NF2: variants seen among roughly 807,000 people sequenced by gnomAD.
The protein encoded by NF2 is merlin.
Under a neutral mutation model 83.7 loss-of-function variants are expected in NF2, and 8 were observed. That is an observed-to-expected ratio of 0.10 (90% CI 0.06 to 0.17). NF2 has a LOEUF of 0.17. Ranked by LOEUF, NF2 falls within the 10% of genes least tolerant of loss-of-function variation. The pLI, the probability that NF2 is intolerant of heterozygous loss-of-function variation, is 1.00. For missense variants in NF2, 533 were observed against 744.4 expected, an observed-to-expected ratio of 0.72 and a Z score of 3.31; for synonymous variants, 266 against 269.6, an observed-to-expected ratio of 0.99 and a Z score of 0.13.
intron 1 of NF2, among the ~76,000 whole-genome samples, chr22:29,624,813 C>T (rs1367514479): frequency 1.7e-5 from 2 of 114,946 alleles, no homozygotes; most frequent in East Asian, 5.1e-4. Flanking sequence ...TTCTTTCTTT[C>T]TTTCTTTCTT....
At chr22:29,662,894 C>T (rs143621917) in intron 8 of NF2, among the ~76,000 whole-genome samples, 1 of 152,180 alleles carries the variant, frequency 6.6e-6, no homozygotes, top group African/African-American at 2.4e-5. Flanking sequence ...AGGACACAGA[C>T]TAGAGAGTGA....
At chr22:29,672,869 C>G (rs2066844000) in intron 11 of NF2, among the ~76,000 whole-genome samples, 1 of 152,164 alleles carries the variant, frequency 6.6e-6, no homozygotes, top group South Asian at 2.1e-4. Flanking sequence ...ATCTGCCCGC[C>G]TCAGCCTCCC....
At chr22:29,634,030 C>G (rs1321504825) in intron 1 of NF2, among the ~76,000 whole-genome samples, 1 of 152,142 alleles carries the variant, frequency 6.6e-6, no homozygotes, top group African/African-American at 2.4e-5. Context: ...GAAAAGGTGT[C>G]TGGGGAGTGC....
intron 1 of NF2, 131 bp downstream of exon 1, chr22:29,604,243 A>G (rs1284622175): frequency 1.8e-5 from 13 of 725,824 alleles, no homozygotes; most frequent in Admixed American, 1.3e-4. Context: ...CCAAAACCTC[A>G]TGTTAAAGAT....
chr22:29,622,028 AC>A (rs937432121), intron 1 of NF2, among the ~76,000 whole-genome samples: 2 of 152,204 alleles, frequency 1.3e-5, no homozygotes, highest in Non-Finnish European at 2.9e-5. Context: ...ACCCTATGCT[AC>A]CCAAATAGGA....
At chr22:29,611,599 T>G (rs941178452) in intron 1 of NF2, among the ~76,000 whole-genome samples, 1 of 152,202 alleles carries the variant, frequency 6.6e-6, no homozygotes, top group African/African-American at 2.4e-5. Flanking sequence ...TAAGTCTACT[T>G]TCACTACTGC....
At chr22:29,676,013 C>T (rs1318858530) in intron 13 of NF2, among the ~76,000 whole-genome samples, 2 of 152,134 alleles carry the variant, frequency 1.3e-5, no homozygotes, top group Admixed American at 1.3e-4. Flanking sequence ...TTGTTAGTAC[C>T]TCTGGTGGCT....
intron 1 of NF2, 123 bp downstream of exon 1, chr22:29,604,235 A>C (rs1398740748): frequency 6.5e-6 from 5 of 773,142 alleles, no homozygotes; most frequent in Non-Finnish European, 9.0e-6. Context: ...AACTAGGCCC[A>C]AAACCTCATG....
rs1261707371 is a variant in NF2, at chr22:29,655,672, G to A, written c.595G>A (p.Ala199Thr). ...TAWYAEHRGR[A>T]RDEAEMEYLK... is the part of the protein sequence containing the mutation. ...TTGGTACGCAGAGCACCGAGGCCGAGCCAGGTGAGGCCCATTCATTGTTGG... is the reference window on the plus strand; with the variant it reads ...TTGGTACGCAGAGCACCGAGGCCGAACCAGGTGAGGCCCATTCATTGTTGG... Residue 199 changes from alanine (A) to threonine (T), a missense_variant, in exon 6 of 16, where the codon GCC becomes ACC. Around this residue, in one of 3 missense-constraint regions of NF2, gnomAD observed 326 missense variants for 475.1 expected, o/e 0.69. Transcript: ENST00000338641. 9.3e-6 allele frequency: 15 copies of A among 1,612,174 alleles called. No homozygotes were observed. Among genetic ancestry groups the A allele is most frequent in the Non-Finnish European group, 1.0e-5 (12 of 1,179,104 alleles).
Position 29,671,966 on chromosome 22 carries a change from G to A in NF2, c.1122+18G>A. 1 of 1,614,140 alleles carries A rather than the reference G, an allele frequency of 6.2e-7. No individual in the cohort carries two copies. The highest frequency in any genetic ancestry group is 8.5e-7 in the Non-Finnish European group (1 of 1,180,020). On this transcript the variant is annotated intron_variant, in intron 11 of 15. Transcript: ENST00000338641. ...AAGCACTGGTGATTTCTGAGGGGCT[G>A]GGGTTCCAGGAGGCTACTTGGGGAC...
intron 1 of NF2, among the ~76,000 whole-genome samples, chr22:29,633,802 T>G (rs1336877793): frequency 6.6e-6 from 1 of 152,234 alleles, no homozygotes; most frequent in Non-Finnish European, 1.5e-5. Flanking sequence ...TTTAAAGCCT[T>G]CTCTGACCTA....
At chr22:29,606,614 T>G (rs9614005) in intron 1 of NF2, among the ~76,000 whole-genome samples, 35,933 of 150,040 alleles carry the variant, frequency 0.24, 4,389 homozygotes, top group Non-Finnish European at 0.29. Flanking sequence ...AATCTGGAGA[T>G]GTGAAGGTTT....
At chr22:29,604,160 G>C in intron 1 of NF2, 48 bp downstream of exon 1, 5 of 1,428,740 alleles carry the variant, frequency 3.5e-6, no homozygotes, top group Non-Finnish European at 4.8e-6. Flanking sequence ...CGAGGTGGAA[G>C]CTCGAGAGGT....
chr22:29,664,816 G>A (rs1216011836), intron 8 of NF2, among the ~76,000 whole-genome samples, 174 bp from the exon 9 acceptor site: 1 of 152,214 alleles, frequency 6.6e-6, no homozygotes, highest in Non-Finnish European at 1.5e-5. Context: ...TCCACAGCCC[G>A]AGACTTGGTG....
intron 15 of NF2, among the ~76,000 whole-genome samples, chr22:29,685,794 G>A (rs143026869): frequency 3.4e-3 from 522 of 152,222 alleles, no homozygotes; most frequent in Non-Finnish European, 5.8e-3. Context: ...AGTACCCATG[G>A]GGGCTGTGTA....
Position 29,658,275 on chromosome 22 carries a change from A to G in NF2, c.675+11A>G, listed in dbSNP as rs541527948. ...TACTTTGCAATCCGGGTGTGTTGAA[A>G]CCTCTCTGAGCTCCTTGTGTAGTAG... On this transcript the variant is annotated intron_variant, in intron 7 of 15. Coordinates refer to ENST00000338641, the MANE Select transcript of NF2 (RefSeq NM_000268.4). 2.0e-5 allele frequency: 32 copies of G among 1,612,986 alleles called. No homozygotes were observed. Among genetic ancestry groups the G allele is most frequent in the Non-Finnish European group, 2.7e-5 (32 of 1,179,122 alleles).
chr22:29,657,823 TA>T (rs2066357968), intron 6 of NF2, among the ~76,000 whole-genome samples: 1 of 152,130 alleles, frequency 6.6e-6, no homozygotes. Context: ...AGCAAGAACT[TA>T]AATAAAATTC....
chr22:29,668,154 T>C (rs952010951), intron 9 of NF2, among the ~76,000 whole-genome samples, 179 bp from the exon 10 acceptor site: 2 of 152,202 alleles, frequency 1.3e-5, no homozygotes, highest in African/African-American at 4.8e-5. Context: ...TCATTTTGCA[T>C]GTTTCCAGAG....
rs1045508965 is a variant in NF2 at position 29,695,728 on chromosome 22, C to T, written c.*926C>T. ...CCACAGGTGCTGCTTCTCACTGGCC[C>T]AGACTCTGAGCTCCACCGGCCCAGT... On this transcript the variant is annotated 3_prime_UTR_variant, in exon 16 of 16. Coordinates refer to ENST00000338641, the MANE Select transcript of NF2 (RefSeq NM_000268.4). The surrounding 1 kb of genome is among the most constrained non-coding windows in gnomAD (Gnocchi z 5.4). 3.0e-5 allele frequency: 7 copies of T among 233,648 alleles called. No homozygotes were observed. The highest frequency in any genetic ancestry group is 6.0e-5 in the East Asian group (1 of 16,734). The allele number at this position is 233,648 out of a possible 1,614,324, so 14.5% of individuals were successfully genotyped here.
Sources: allele counts gnomAD v4.1 joint callset (sites outside exome capture counted in the v4.1 genomes callset), GRCh38; gene constraint gnomAD v4.1.1; regional missense constraint gnomAD v4.1.1; non-coding constraint Gnocchi (gnomAD v3.1); transcripts MANE v1.5; gene names NCBI Gene and HGNC (gene_info 2026-07-23, HGNC 2026-07-21).